LRRTM4: variants seen among roughly 807,000 people sequenced by gnomAD.
LRRTM4 encodes the protein leucine rich repeat transmembrane neuronal 4.
A neutral mutation model predicts 47.6 loss-of-function variants in LRRTM4; 25 were observed. The observed-to-expected ratio is 0.53, with a 90% CI of 0.38 to 0.73. LRRTM4 has a LOEUF of 0.73. Ranked by LOEUF, LRRTM4 falls within the 30% of genes least tolerant of loss-of-function variation. The pLI is 0.00. For synonymous variants in LRRTM4, 311 were observed against 269.5 expected (o/e 1.15, Z -1.51); for missense variants, 638 against 713.4 (o/e 0.89, Z 1.20).
At chr2:77,384,988 A>G (rs1220604185) in intron 3 of LRRTM4, among the ~76,000 whole-genome samples, 2 of 152,150 alleles carry the variant, frequency 1.3e-5, no homozygotes, top group Non-Finnish European at 2.9e-5. Flanking sequence ...TACCAGTTAT[A>G]ACCGGAGTTA....
intron 3 of LRRTM4, among the ~76,000 whole-genome samples, chr2:77,347,073 T>C (rs1671591912): frequency 1.3e-5 from 2 of 152,144 alleles, no homozygotes; most frequent in African/African-American, 4.8e-5. Context: ...AAAGAAGCAA[T>C]TAAAATGTTT....
intron 3 of LRRTM4, among the ~76,000 whole-genome samples, chr2:76,942,033 T>A (rs1198187445): frequency 5.9e-5 from 9 of 152,212 alleles, no homozygotes; most frequent in Non-Finnish European, 1.3e-4. Flanking sequence ...TAACACATTG[T>A]GGTTTTGATT....
intron 3 of LRRTM4, among the ~76,000 whole-genome samples, chr2:76,944,053 C>T (rs570329782): frequency 6.6e-6 from 1 of 152,244 alleles, no homozygotes; most frequent in East Asian, 1.9e-4. Context: ...CATATGATCG[C>T]CCTACTCTCT....
chr2:77,126,814 G>A (rs1671663480), intron 3 of LRRTM4, among the ~76,000 whole-genome samples: 1 of 152,288 alleles, frequency 6.6e-6, no homozygotes. Flanking sequence ...TTCAATCCCT[G>A]CAAGATGTGC....
intron 3 of LRRTM4, among the ~76,000 whole-genome samples, chr2:77,284,838 T>C (rs1165551318): frequency 6.6e-6 from 1 of 152,098 alleles, no homozygotes; most frequent in Non-Finnish European, 1.5e-5. Context: ...ACAACAGTCC[T>C]TGAAGTCTGC....
intron 3 of LRRTM4, among the ~76,000 whole-genome samples, chr2:77,180,109 T>G (rs1673308856): frequency 6.6e-6 from 1 of 152,244 alleles, no homozygotes; most frequent in South Asian, 2.1e-4. Context: ...ATCAGAAAAC[T>G]TGTCAGAGGC....
At chr2:77,155,678 C>T (rs905219484) in intron 3 of LRRTM4, among the ~76,000 whole-genome samples, 2 of 151,790 alleles carry the variant, frequency 1.3e-5, no homozygotes, top group African/African-American at 2.4e-5. Context: ...AAGAGAGCAC[C>T]AAAGTGGAAC....
intron 3 of LRRTM4, among the ~76,000 whole-genome samples, chr2:76,810,429 TGA>T (rs987199619): frequency 7.9e-5 from 12 of 152,188 alleles, no homozygotes; most frequent in Non-Finnish European, 1.5e-4. Flanking sequence ...CTTATCACAC[TGA>T]GTTTTATTAT....
intron 3 of LRRTM4, among the ~76,000 whole-genome samples, chr2:77,493,605 T>C (rs1298217737): frequency 6.6e-6 from 1 of 152,084 alleles, no homozygotes; most frequent in Admixed American, 6.6e-5. Flanking sequence ...GATATTTCAA[T>C]ACAGCTTCAT....
chr2:76,882,197 A>C (rs1221112489), intron 3 of LRRTM4, among the ~76,000 whole-genome samples: 1 of 152,126 alleles, frequency 6.6e-6, no homozygotes, highest in African/African-American at 2.4e-5. Flanking sequence ...ATAAGATATT[A>C]ATATTTTCTG....
At position 77,368,227 on chromosome 2, in the gene LRRTM4, T is replaced by C. The variant is rs1336509828; in HGVS notation, c.1551+150091A>G. Among the ~76,000 whole-genome samples, 6 of 151,818 alleles carry C rather than the reference T, an allele frequency of 4.0e-5. No individual in the cohort carries two copies. The South Asian group carries it at 1.0e-3, about 26-fold the overall frequency. ...GAAGAACCCACCTTTTATCAAGGAA[T>C]TTGGAAAAGAAAAATCATTTTCTGT... On this transcript the variant is annotated intron_variant, in intron 3 of 3. Transcript: ENST00000409884.
chr2:76,949,152 A>C (rs1182340613), intron 3 of LRRTM4, among the ~76,000 whole-genome samples: 2 of 151,910 alleles, frequency 1.3e-5, no homozygotes, highest in African/African-American at 2.4e-5. Flanking sequence ...TCTTGCTTAC[A>C]TTACAGAATC....
chr2:77,211,777 C>A (rs138042517), intron 3 of LRRTM4, among the ~76,000 whole-genome samples: 1 of 151,830 alleles, frequency 6.6e-6, no homozygotes, highest in Non-Finnish European at 1.5e-5. Flanking sequence ...AGATTTTAAG[C>A]GAAATATCAG....
At chr2:76,829,496 C>T (rs1340167160) in intron 3 of LRRTM4, among the ~76,000 whole-genome samples, 4 of 151,518 alleles carry the variant, frequency 2.6e-5, no homozygotes, top group African/African-American at 4.8e-5. Flanking sequence ...TTATAATCTG[C>T]ACCACATCTA....
At chr2:77,495,370 G>A (rs1410773641) in intron 3 of LRRTM4, among the ~76,000 whole-genome samples, 1 of 151,832 alleles carries the variant, frequency 6.6e-6, no homozygotes, top group African/African-American at 2.4e-5. Flanking sequence ...TTCCTTCACA[G>A]TGCCTTTCAA....
chr2:76,856,929 C>T (rs10176768), intron 3 of LRRTM4, among the ~76,000 whole-genome samples: 39,026 of 150,958 alleles, frequency 0.26, 7,638 homozygotes, highest in East Asian at 0.52. Context: ...TTTCTTCTGT[C>T]GCAAAAAAAA....
intron 3 of LRRTM4, among the ~76,000 whole-genome samples, chr2:77,246,131 T>C (rs1027803015): frequency 1.3e-5 from 2 of 152,208 alleles, no homozygotes; most frequent in South Asian, 2.1e-4. Context: ...ATTCTAGATA[T>C]AAACATTTGC....
chr2:77,237,609 C>T (rs1200066189), intron 3 of LRRTM4, among the ~76,000 whole-genome samples: 1 of 152,046 alleles, frequency 6.6e-6, no homozygotes, highest in East Asian at 1.9e-4. Flanking sequence ...CTTCTGCTAG[C>T]TTTGGGGGTG....
Position 77,135,244 on chromosome 2 carries a change from G to C in LRRTM4, c.1551+383074C>G, listed in dbSNP as rs546996714. Among the ~76,000 whole-genome samples the C allele has an allele frequency of 3.3e-5, 5 of 152,304 alleles. No homozygotes were observed. In the East Asian group the frequency reaches 9.6e-4, roughly 29 times the overall value. On this transcript the variant is annotated intron_variant, in intron 3 of 3. Transcript: ENST00000409884. ...GGTTGAATAGCATTAAATGACTCCAGAGGGTTCTCTGCATGCGGCAGACTC... is the reference window on the plus strand; with the variant it reads ...GGTTGAATAGCATTAAATGACTCCACAGGGTTCTCTGCATGCGGCAGACTC...
Sources: gnomAD v4.1 joint callset for allele counts (sites outside exome capture counted in the v4.1 genomes callset) on GRCh38, gnomAD v4.1.1 for gene constraint, MANE v1.5 for transcripts, NCBI Gene and HGNC (gene_info 2026-07-23, HGNC 2026-07-21) for gene names.